The following VIRMA variants were observed in gnomAD, a reference collection of about 807,000 sequenced individuals.
VIRMA encodes vir like m6A methyltransferase associated, also known as protein virilizer homolog.
A neutral mutation model predicts 182.4 loss-of-function variants in VIRMA; 65 were observed. The ratio of observed to expected loss-of-function variants is 0.36; its 90% CI spans 0.29 to 0.44. The LOEUF (loss-of-function observed/expected upper bound fraction) is 0.44, where lower values mean the gene tolerates loss of function less well. VIRMA is among the 20% of genes least tolerant of loss of function. The pLI is 1.00. For synonymous variants in VIRMA, 709 were observed against 743.1 expected (o/e 0.95, Z 0.75); for missense variants, 1,752 against 2,158.1 (o/e 0.81, Z 3.73).
intron 1 of VIRMA, among the ~76,000 whole-genome samples, chr8:94,552,855 A>ATTTTAAT (rs1816048105): frequency 1.3e-5 from 2 of 152,172 alleles, no homozygotes; most frequent in African/African-American, 4.8e-5. Context: ...TCTCTCCGAG[A>ATTTTAAT]GACAAGTATT....
intron 2 of VIRMA, among the ~76,000 whole-genome samples, chr8:94,540,273 C>T (rs1342994960): frequency 6.6e-6 from 1 of 151,702 alleles, no homozygotes; most frequent in African/African-American, 2.4e-5. Context: ...TATTAGAAAT[C>T]ATAAAATCAA....
intron 1 of VIRMA, 68 bp downstream of exon 1, chr8:94,553,317 G>T: frequency 6.9e-7 from 1 of 1,455,032 alleles, no homozygotes; most frequent in Non-Finnish European, 9.7e-7. Flanking sequence ...AGTGGAGAAC[G>T]CCTAACGGTT....
intron 20 of VIRMA, among the ~76,000 whole-genome samples, chr8:94,494,320 G>T (rs1813697258): frequency 6.6e-6 from 1 of 151,618 alleles, no homozygotes; most frequent in African/African-American, 2.4e-5. Flanking sequence ...GGCTGGGCAT[G>T]GTGGCTCACG....
chr8:94,492,039 A>T (rs1275834092), intron 21 of VIRMA, 130 bp from the exon 22 acceptor site: 1 of 632,892 alleles, frequency 1.6e-6, no homozygotes, highest in East Asian at 2.8e-5. Context: ...AGTATCTATC[A>T]TACTTCTGGG....
In VIRMA at chr8:94,494,591, CAAAAAAAAAAAAAA is replaced by C. The variant is rs1175058697; in HGVS notation, c.4641+255_4641+268del. ...TGGGTGACAGAGTGAGACTCTGTCT[CAAAAAAAAAAAAAA>C]AAAAAAAAAAAAAAAAATTAGCAAA... On this transcript the variant is annotated intron_variant, in intron 20 of 23. Coordinates refer to ENST00000297591, the MANE Select transcript of VIRMA (RefSeq NM_015496.5). Among the ~76,000 whole-genome samples, 26 of 42,930 alleles carry C rather than the reference CAAAAAAAAAAAAAA, an allele frequency of 6.1e-4. No individual in the cohort carries two copies. In the South Asian group the frequency reaches 8.5e-3, roughly 14 times the overall value. 28.2% of individuals were successfully genotyped at this position (42,930 alleles called of 152,430 possible).
At chr8:94,514,506 T>C (rs1814489769) in intron 11 of VIRMA, among the ~76,000 whole-genome samples, 1 of 152,192 alleles carries the variant, frequency 6.6e-6, no homozygotes, top group Non-Finnish European at 1.5e-5. Context: ...TGAGTGAAAT[T>C]CTTTTTCAGA....
At chr8:94,530,113 A>C (rs969503487) in intron 6 of VIRMA, among the ~76,000 whole-genome samples, 21 of 152,048 alleles carry the variant, frequency 1.4e-4, no homozygotes, top group Admixed American at 6.6e-5. Flanking sequence ...TTTAACTGGT[A>C]CTCTTTTGTA....
chr8:94,488,731 C>G lies in VIRMA; in HGVS notation c.5414G>C (p.Arg1805Pro). 1 of 1,614,148 alleles carries G rather than the reference C, an allele frequency of 6.2e-7. No homozygotes were observed. Among genetic ancestry groups the G allele is most frequent in the Non-Finnish European group, 8.5e-7 (1 of 1,180,012 alleles). The change falls in exon 24 of 24, where the codon CGT becomes CCT. Residue 1805 changes from arginine (R) to proline (P), a missense_variant. Coordinates refer to ENST00000297591, the MANE Select transcript of VIRMA (RefSeq NM_015496.5). ...TTATCGTGTAAAGGAGCGTACATGA[C>G]GACCTCTACCACTGCCTCCACTAAC... ...KFVSGGSGRGRHVRSFTR is the reference protein window; with the variant it reads ...KFVSGGSGRGPHVRSFTR
chr8:94,537,712 T>C (rs557480196), intron 3 of VIRMA, among the ~76,000 whole-genome samples: 1 of 152,328 alleles, frequency 6.6e-6, no homozygotes, highest in South Asian at 2.1e-4. Flanking sequence ...TAGTTTTTTT[T>C]ATTTTATGAG....
At chr8:94,547,565 G>A (rs1586117010) in intron 1 of VIRMA, among the ~76,000 whole-genome samples, 1 of 150,746 alleles carries the variant, frequency 6.6e-6, no homozygotes, top group East Asian at 1.9e-4. Flanking sequence ...GTTTCCTGAA[G>A]TAATTTTTAA....
intron 8 of VIRMA, among the ~76,000 whole-genome samples, chr8:94,524,704 T>A (rs1408007489): frequency 6.6e-6 from 1 of 152,206 alleles, no homozygotes; most frequent in East Asian, 1.9e-4. Context: ...CTTAAAACAG[T>A]GGCCTACACC....
At chr8:94,550,693 T>C (rs1264086722) in intron 1 of VIRMA, among the ~76,000 whole-genome samples, 2 of 151,670 alleles carry the variant, frequency 1.3e-5, no homozygotes, top group African/African-American at 4.9e-5. Context: ...TCCTACAAAA[T>C]AAAGTCCATA....
Position 94,534,903 on chromosome 8 carries a change from T to C in VIRMA, c.420A>G (p.Pro140=), listed in dbSNP as rs764039236. ...RVISHDRDSP[P]PPPPPPPPPQ... ...GAGGTGGTGGCGGTGGAGGTGGTGG[T>C]GGTGGAGAGTCTCTGTCATGACTTA... is the stretch of plus-strand genomic sequence containing the variant. The change falls in exon 5 of 24, where the codon CCA becomes CCG. Residue 140 remains proline, a synonymous_variant. Coordinates refer to ENST00000297591, the MANE Select transcript of VIRMA (RefSeq NM_015496.5). 6.2e-7 allele frequency: 1 copy of C among 1,612,950 alleles called. No individual in the cohort carries two copies. Among genetic ancestry groups the C allele is most frequent in the Non-Finnish European group, 8.5e-7 (1 of 1,179,490 alleles).
chr8:94,545,335 C>T (rs1349394495), intron 1 of VIRMA, among the ~76,000 whole-genome samples: 2 of 152,086 alleles, frequency 1.3e-5, no homozygotes, highest in Admixed American at 6.6e-5. Context: ...GGTCAAAGTC[C>T]ATCATGAGAA....
In VIRMA at chr8:94,511,986, G is replaced by A; in HGVS notation, c.2845+10C>T. 1 of 1,482,612 alleles carries A rather than the reference G, an allele frequency of 6.7e-7. No homozygotes were observed. Among genetic ancestry groups the A allele is most frequent in the Non-Finnish European group, 9.1e-7 (1 of 1,103,292 alleles). 91.8% of individuals were successfully genotyped at this position (1,482,612 alleles called of 1,614,324 possible). On this transcript the variant is annotated intron_variant, in intron 12 of 23. Transcript: ENST00000297591. ...GAATCGTAGTTTTTAAAATACAGTA[G>A]CCACATTACCTTCAACAGGAGGTGG...
At chr8:94,539,197 C>CT (rs1284343335) in intron 2 of VIRMA, among the ~76,000 whole-genome samples, 2 of 151,974 alleles carry the variant, frequency 1.3e-5, no homozygotes, top group East Asian at 3.9e-4. Flanking sequence ...TGCCTGTTTC[C>CT]TTTCGTTACC....
At chr8:94,551,140 T>A (rs897172376) in intron 1 of VIRMA, among the ~76,000 whole-genome samples, 1 of 152,214 alleles carries the variant, frequency 6.6e-6, no homozygotes, top group Non-Finnish European at 1.5e-5. Flanking sequence ...ACTACCCCAG[T>A]AGAATGCCCT....
At chr8:94,544,040 C>T (rs758309394) in intron 1 of VIRMA, 98 bp from the exon 2 acceptor site, 4 of 665,674 alleles carry the variant, frequency 6.0e-6, no homozygotes, top group African/African-American at 5.4e-5. Context: ...CACATGTAAA[C>T]TTAACATTCC....
At chr8:94,533,663 A>G (rs1586102659) in intron 5 of VIRMA, 1 of 125,658 alleles carries the variant, frequency 8.0e-6, no homozygotes, top group African/African-American at 3.1e-5. Flanking sequence ...TATGTTGCCC[A>G]GGCTGGTCTC....
Sources: allele counts gnomAD v4.1 joint callset (sites outside exome capture counted in the v4.1 genomes callset), GRCh38; gene constraint gnomAD v4.1.1; transcripts MANE v1.5; gene names NCBI Gene and HGNC (gene_info 2026-07-23, HGNC 2026-07-21).